Variants in CDH23 observed in about 807,000 individuals in gnomAD.
The protein encoded by CDH23 is cadherin related 23, also known as cadherin-23.
CDH23 carries 189 observed loss-of-function variants against 317.1 expected under a neutral mutation model. That is an observed-to-expected ratio of 0.60 (90% CI 0.53 to 0.67). The LOEUF (loss-of-function observed/expected upper bound fraction) is 0.67. Among genes scored for constraint, CDH23 ranks in the 30% least tolerant of loss-of-function variants. The pLI, the probability that CDH23 is intolerant of heterozygous loss-of-function variation, is 0.00. For synonymous variants in CDH23, 1,839 were observed against 1,876.8 expected, an observed-to-expected ratio of 0.98 and a Z score of 0.52; for missense variants, 4,401 against 4,592.4, an observed-to-expected ratio of 0.96 and a Z score of 1.20.
intron 3 of CDH23, among the ~76,000 whole-genome samples, chr10:71,482,439 G>A (rs1852117625): frequency 6.6e-6 from 1 of 152,168 alleles, no homozygotes; most frequent in South Asian, 2.1e-4. Context: ...TCTTAGCATA[G>A]GACTGCTTTA....
At chr10:71,790,458 T>C in intron 46 of CDH23, 45 bp downstream of exon 46, 1 of 1,601,736 alleles carries the variant, frequency 6.2e-7, no homozygotes, top group South Asian at 1.1e-5. Flanking sequence ...GATTCTGGGG[T>C]GGGGATGGCC....
chr10:71,684,299 T>C (rs985980884), intron 18 of CDH23, among the ~76,000 whole-genome samples: 2 of 152,098 alleles, frequency 1.3e-5, no homozygotes, highest in East Asian at 3.9e-4. Context: ...CCTCCTCTAA[T>C]CGTAGCTGCA....
intron 18 of CDH23, among the ~76,000 whole-genome samples, chr10:71,683,800 T>C (rs958296395): frequency 3.3e-5 from 5 of 152,032 alleles, no homozygotes; most frequent in African/African-American, 1.2e-4. Flanking sequence ...TTCAGAAACC[T>C]TAAAACTGAC....
chr10:71,777,588 TG>T, intron 38 of CDH23, 91 bp from the exon 39 acceptor site: 2 of 1,089,494 alleles, frequency 1.8e-6, no homozygotes, highest in Non-Finnish European at 2.7e-6. Context: ...TTGAGTCACA[TG>T]GAGTGAGTTC....
At chr10:71,523,555 G>A (rs964511517) in intron 6 of CDH23, among the ~76,000 whole-genome samples, 3 of 152,144 alleles carry the variant, frequency 2.0e-5, no homozygotes, top group African/African-American at 7.2e-5. Flanking sequence ...ACATTTCCAC[G>A]GAGCCACACT....
At chr10:71,500,015 T>C (rs1304451496) in intron 3 of CDH23, among the ~76,000 whole-genome samples, 1 of 73,170 alleles carries the variant, frequency 1.4e-5, no homozygotes, top group African/African-American at 7.9e-5. Context: ...CGAGACTCCA[T>C]CTCAAAAAAA....
At chr10:71,677,316 T>G in intron 15 of CDH23, 140 bp from the exon 16 acceptor site, 2 of 462,454 alleles carry the variant, frequency 4.3e-6, no homozygotes, top group Non-Finnish European at 8.3e-6. Flanking sequence ...TCAGGGCAAG[T>G]GAAAGGGAAG....
At position 71,438,849 on chromosome 10, in the gene CDH23, A is replaced by G. The variant is rs1051884520; in HGVS notation, c.-5-978A>G. On this transcript the variant is annotated intron_variant, in intron 1 of 69. Coordinates refer to ENST00000224721, the MANE Select transcript of CDH23 (RefSeq NM_022124.6). ...TGAACACGCCCCAGGCCAGATGCAC[A>G]GTAGGTATGCACTGAAGGGTAATGT... 1.4e-4 allele frequency among the ~76,000 whole-genome samples: 22 copies of G among 152,192 alleles called. 1 individual carries two copies. The highest frequency in any genetic ancestry group is 1.0e-3 in the Admixed American group (16 of 15,280).
At position 71,397,252 on chromosome 10, in the gene CDH23, G is replaced by T; in HGVS notation, c.-72G>T. ...AGGGCCAGAGCAGGCGGCCCGCGGG[G>T]GCCGATCCGGCGGAGAGCAGAGCCC... On this transcript the variant is annotated 5_prime_UTR_variant, in exon 1 of 70. Transcript: ENST00000224721. This position sits in a 1 kb window ranked among gnomAD's most constrained non-coding sequence, Gnocchi z 4.8. The T allele has an allele frequency of 5.0e-6, 1 of 199,496 alleles. No homozygotes were observed. The highest frequency in any genetic ancestry group is 6.0e-5 in the South Asian group (1 of 16,802). 12.4% of individuals were successfully genotyped at this position (199,496 alleles called of 1,614,324 possible). A position where few individuals can be genotyped will look rare whatever the true frequency, so the allele number is the denominator to read the frequency against.
chr10:71,514,138 CCA>C (rs1238773712), intron 6 of CDH23, among the ~76,000 whole-genome samples: 1 of 152,036 alleles, frequency 6.6e-6, no homozygotes, highest in Non-Finnish European at 1.5e-5. Flanking sequence ...AGTAGGAGGA[CCA>C]CTTCTCTCCA....
chr10:71,670,730 A>G (rs1424784712), intron 14 of CDH23, among the ~76,000 whole-genome samples: 3 of 152,222 alleles, frequency 2.0e-5, no homozygotes, highest in Non-Finnish European at 2.9e-5. Context: ...ATAGGGAGCC[A>G]TTGAAGGATT....
intron 3 of CDH23, among the ~76,000 whole-genome samples, chr10:71,500,018 CAAAAAAAAAAA>C (rs34690494): frequency 4.2e-5 from 4 of 94,864 alleles, no homozygotes. Flanking sequence ...GACTCCATCT[CAAAAAAAAAAA>C]AAAAAAAAAG....
chr10:71,630,585 C>T (rs12241733), intron 11 of CDH23, among the ~76,000 whole-genome samples: 10,264 of 152,194 alleles, frequency 0.067, 1,146 homozygotes, highest in African/African-American at 0.23. Flanking sequence ...CTTCCTGATA[C>T]GGTAAAGCAG....
rs772466142 is a variant in CDH23 at position 71,577,949 on chromosome 10, G to A, written c.789G>A (p.Gln263=). ...TGCGCATCATCACCGCCATAGACCA[G>A]GATAAAGGACGTCCCCGGGGCATTG... ...TTVRIITAID[Q]DKGRPRGIGY... is the part of the protein sequence containing the mutation. Residue 263 remains glutamine (Q), a synonymous_variant, in exon 9 of 70, where the codon CAG becomes CAA. Coordinates refer to ENST00000224721, the MANE Select transcript of CDH23 (RefSeq NM_022124.6). 1.2e-6 allele frequency: 2 copies of A among 1,605,942 alleles called. No individual in the cohort carries two copies. The highest frequency in any genetic ancestry group is 1.7e-5 in the Admixed American group (1 of 59,018).
intron 1 of CDH23, among the ~76,000 whole-genome samples, chr10:71,403,379 CT>C (rs1361749159): frequency 8.7e-6 from 1 of 115,442 alleles, no homozygotes; most frequent in Non-Finnish European, 1.7e-5. Context: ...TTCTTTCTTT[CT>C]TTCTTTCTTT....
Position 71,798,548 on chromosome 10 carries a change from G to C in CDH23, c.7024G>C (p.Gly2342Arg), listed in dbSNP as rs771230158. The change falls in exon 50 of 70, where the codon GGG becomes CGG. Residue 2342 changes from glycine to arginine, a missense_variant. Gly to Arg is a moderately radical substitution (Grantham distance 125). This residue lies in a region of CDH23 where 3,068 missense variants were observed against 3,203.3 expected (regional missense o/e 0.96). Coordinates refer to ENST00000224721, the MANE Select transcript of CDH23 (RefSeq NM_022124.6). ...TYTLLDLVPP[G>R]YVQLEDSSAG... is the part of the protein sequence containing the mutation. ...CACCCTGCTGGACCTGGTGCCCCCA[G>C]GGTATGTCCAGCTGGAGGACTCCTC... 1 of 1,612,868 alleles carries C rather than the reference G, an allele frequency of 6.2e-7. No individual in the cohort carries two copies. The highest frequency in any genetic ancestry group is 2.2e-5 in the East Asian group (1 of 44,848).
In CDH23 at chr10:71,799,645, G is replaced by A. The variant is rs1210414844; in HGVS notation, c.7362+16G>A. 7.4e-6 allele frequency: 12 copies of A among 1,613,894 alleles called. No homozygotes were observed. The highest frequency in any genetic ancestry group is 1.6e-4 in the Middle Eastern group (1 of 6,082). On this transcript the variant is annotated intron_variant, in intron 52 of 69. Transcript: ENST00000224721. The stretch of plus-strand genomic sequence containing the variant: ...CCCCACCACGGTGAGCAGTGATGGA[G>A]GGCCTGGAATTTGGAAGTGGGAAGG...
At chr10:71,657,967 C>T (rs947765001) in intron 14 of CDH23, among the ~76,000 whole-genome samples, 1 of 152,212 alleles carries the variant, frequency 6.6e-6, no homozygotes, top group African/African-American at 2.4e-5. Context: ...CATTCCAGCC[C>T]TGCCCCCAGG....
At chr10:71,636,718 G>C (rs1756240450) in intron 11 of CDH23, among the ~76,000 whole-genome samples, 2 of 152,222 alleles carry the variant, frequency 1.3e-5, no homozygotes, top group South Asian at 2.1e-4. Flanking sequence ...TTGGGGAGGG[G>C]ACATAGGTAG....
Sources: allele counts gnomAD v4.1 joint callset (sites outside exome capture counted in the v4.1 genomes callset), GRCh38; gene constraint gnomAD v4.1.1; regional missense constraint gnomAD v4.1.1; non-coding constraint Gnocchi (gnomAD v3.1); transcripts MANE v1.5; gene names NCBI Gene and HGNC (gene_info 2026-07-23, HGNC 2026-07-21).